Variants in CACNA1E observed in about 807,000 individuals in gnomAD.
CACNA1E encodes calcium voltage-gated channel subunit alpha1 E.
CACNA1E carries 40 observed loss-of-function variants against 259.2 expected under a neutral mutation model. The observed-to-expected ratio is 0.15, with a 90% CI of 0.12 to 0.20. The LOEUF is 0.20. CACNA1E is among the 10% of genes least tolerant of loss of function. The pLI is 1.00. For missense variants in CACNA1E, 1,874 were observed against 3,040.1 expected (o/e 0.62, Z 9.02); for synonymous variants, 1,104 against 1,138.5 (o/e 0.97, Z 0.61).
chr1:181,610,671 T>C (rs530825239), intron 6 of CACNA1E, among the ~76,000 whole-genome samples: 12 of 152,334 alleles, frequency 7.9e-5, no homozygotes, highest in African/African-American at 2.4e-4. Context: ...GTAATGTCAA[T>C]AGAGATGTCC....
In CACNA1E at chr1:181,415,780, C is replaced by T. The variant is rs533417637; in HGVS notation, c.434+2200C>T. Among the ~76,000 whole-genome samples the T allele has an allele frequency of 2.3e-3, 356 of 152,258 alleles. 1 individual carries two copies. The highest frequency in any genetic ancestry group is 8.0e-3 in the African/African-American group (331 of 41,540). ...ATCCTTCTCTGCTCCCCAACACTCA[C>T]GGCCTCATCATGGCTTTTCCCCTCA... On this transcript the variant is annotated intron_variant, in intron 2 of 11. Transcript: ENST00000524607.
intron 6 of CACNA1E, among the ~76,000 whole-genome samples, chr1:181,618,644 A>G (rs1655446214): frequency 6.6e-6 from 1 of 152,208 alleles, no homozygotes; most frequent in Non-Finnish European, 1.5e-5. Flanking sequence ...TATTTTATAG[A>G]CAATACAATT....
intron 7 of CACNA1E, among the ~76,000 whole-genome samples, chr1:181,700,287 C>T (rs1190728802): frequency 6.6e-6 from 1 of 152,192 alleles, no homozygotes; most frequent in African/African-American, 2.4e-5. Context: ...CACACAGCTT[C>T]AGGACTGACC....
chr1:181,510,658 C>A, intron 2 of CACNA1E, 76 bp downstream of exon 2: 1 of 906,846 alleles, frequency 1.1e-6, no homozygotes, highest in Non-Finnish European at 1.8e-6. Context: ...TATCACTCTC[C>A]CATTCCCTTC....
At chr1:181,739,109 T>C (rs1656326464) in intron 24 of CACNA1E, 38 bp from the exon 25 acceptor site, 3 of 1,280,308 alleles carry the variant, frequency 2.3e-6, no homozygotes, top group Non-Finnish European at 3.4e-6. Flanking sequence ...TTGCCCACAC[T>C]TTCTTGGCTC....
chr1:181,443,553 T>A (rs1453350421), intron 2 of CACNA1E, among the ~76,000 whole-genome samples: 1 of 152,194 alleles, frequency 6.6e-6, no homozygotes, highest in Non-Finnish European at 1.5e-5. Flanking sequence ...TGGTACAGAT[T>A]TAAAAGGAGG....
chr1:181,654,563 G>A (rs1420546117), intron 7 of CACNA1E, among the ~76,000 whole-genome samples: 1 of 152,202 alleles, frequency 6.6e-6, no homozygotes, highest in African/African-American at 2.4e-5. Context: ...TGGAGGCAAC[G>A]TGGATGTCCA....
intron 18 of CACNA1E, among the ~76,000 whole-genome samples, chr1:181,730,498 A>G (rs1655363048): frequency 6.6e-6 from 1 of 152,248 alleles, no homozygotes; most frequent in Non-Finnish European, 1.5e-5. Context: ...GTACAAGGCT[A>G]AGAAGGTCAA....
intron 6 of CACNA1E, among the ~76,000 whole-genome samples, chr1:181,625,492 A>C (rs1464685050): frequency 1.3e-5 from 2 of 152,068 alleles, no homozygotes; most frequent in African/African-American, 2.4e-5. Flanking sequence ...TTGCTACTTC[A>C]CCTTGCACTT....
chr1:181,588,724 A>G (rs1259169279), intron 6 of CACNA1E, among the ~76,000 whole-genome samples: 1 of 152,190 alleles, frequency 6.6e-6, no homozygotes, highest in Non-Finnish European at 1.5e-5. Context: ...TTACTCTAAT[A>G]TGCGGTTTAA....
At chr1:181,453,669 C>T (rs1041992532) in intron 2 of CACNA1E, among the ~76,000 whole-genome samples, 3 of 151,352 alleles carry the variant, frequency 2.0e-5, no homozygotes, top group East Asian at 2.0e-4. Context: ...GTGGCAGAAT[C>T]CCGCAGTGGA....
At position 181,715,474 on chromosome 1, in the gene CACNA1E, AAG is replaced by A. The variant is rs1653803697; in HGVS notation, c.1225+85_1225+86del. 16 of 731,832 alleles carry A rather than the reference AAG, an allele frequency of 2.2e-5. 1 individual carries two copies. The Middle Eastern group carries it at 7.6e-4, about 35-fold the overall frequency. 45.3% of individuals were successfully genotyped at this position (731,832 alleles called of 1,614,324 possible). ...AATCTCTGTTATTCAAAAGGAGAGA[AAG>A]AAATGAAAGATGGTGTTCTGGGATT... On this transcript the variant is annotated intron_variant, in intron 9 of 47. Coordinates refer to ENST00000367573, the MANE Select transcript of CACNA1E (RefSeq NM_001205293.3).
At chr1:181,721,926 C>T in intron 16 of CACNA1E, 51 bp downstream of exon 16, 1 of 1,184,830 alleles carries the variant, frequency 8.4e-7, no homozygotes, top group Non-Finnish European at 1.3e-6. Flanking sequence ...CCTGGACCAG[C>T]ATTTGAGGAG....
chr1:181,403,759 T>C (rs1348558787), intron 1 of CACNA1E, among the ~76,000 whole-genome samples: 1 of 152,192 alleles, frequency 6.6e-6, no homozygotes, highest in Non-Finnish European at 1.5e-5. Flanking sequence ...TCAAATGGGC[T>C]TTGGCCAGTA....
At chr1:181,656,567 G>A (rs111641157) in intron 7 of CACNA1E, among the ~76,000 whole-genome samples, 1 of 152,238 alleles carries the variant, frequency 6.6e-6, no homozygotes, top group South Asian at 2.1e-4. Flanking sequence ...GTTACAGTAC[G>A]TGAAGATTAA....
At chr1:181,457,116 A>G (rs1275383609) in intron 2 of CACNA1E, among the ~76,000 whole-genome samples, 1 of 152,250 alleles carries the variant, frequency 6.6e-6, no homozygotes, top group Non-Finnish European at 1.5e-5. Flanking sequence ...TGGGAAGTCC[A>G]AGATCAAGGC....
At chr1:181,500,354 C>T (rs1050372676) in intron 1 of CACNA1E, among the ~76,000 whole-genome samples, 1 of 152,194 alleles carries the variant, frequency 6.6e-6, no homozygotes, top group Admixed American at 6.5e-5. Context: ...TCTTGAGTGT[C>T]CTCTCTGTAT....
intron 43 of CACNA1E, among the ~76,000 whole-genome samples, chr1:181,788,240 G>T (rs1399866272): frequency 6.6e-6 from 1 of 152,152 alleles, no homozygotes; most frequent in African/African-American, 2.4e-5. Flanking sequence ...AAAGGATTCT[G>T]GGTGAAGCCT....
rs753203840 is a variant in CACNA1E at position 181,758,724 on chromosome 1, T to C, written c.4495-34T>C. 2 of 1,232,354 alleles carry C rather than the reference T, an allele frequency of 1.6e-6. No individual in the cohort carries two copies. The highest frequency in any genetic ancestry group is 2.4e-6 in the Non-Finnish European group (2 of 838,104). The allele number at this position is 1,232,354 out of a possible 1,614,324, so 76.3% of individuals were successfully genotyped here. On this transcript the variant is annotated intron_variant, in intron 31 of 47. Coordinates refer to ENST00000367573, the MANE Select transcript of CACNA1E (RefSeq NM_001205293.3). This position sits in a 1 kb window ranked among gnomAD's most constrained non-coding sequence, Gnocchi z 4.2. ...TATTCCCCCTCTTACCTTAAGGCTG[T>C]GATTCTTTCTCTCTTCTTTTTTCTT...
Sources: allele counts gnomAD v4.1 joint callset (sites outside exome capture counted in the v4.1 genomes callset), GRCh38; gene constraint gnomAD v4.1.1; non-coding constraint Gnocchi (gnomAD v3.1); transcripts MANE v1.5; gene names NCBI Gene and HGNC (gene_info 2026-07-23, HGNC 2026-07-21).